Variants in PLXNA4 observed in about 807,000 individuals in gnomAD.
PLXNA4 encodes the protein plexin-A4.
In PLXNA4, 44 loss-of-function variants were observed where a neutral mutation model predicts 191.8. That is an observed-to-expected ratio of 0.23 (90% CI 0.18 to 0.29). The LOEUF (loss-of-function observed/expected upper bound fraction) is 0.29, where lower values mean the gene tolerates loss of function less well. Ranked by LOEUF, PLXNA4 falls within the 10% of genes least tolerant of loss-of-function variation. The pLI, the probability that PLXNA4 is intolerant of heterozygous loss-of-function variation, is 1.00. For missense variants in PLXNA4, 1,800 were observed against 2,488.8 expected, an observed-to-expected ratio of 0.72 and a Z score of 5.89; for synonymous variants, 1,082 against 1,009.5, an observed-to-expected ratio of 1.07 and a Z score of -1.36.
At chr7:132,230,461 G>A (rs968958756) in intron 5 of PLXNA4, among the ~76,000 whole-genome samples, 6 of 152,322 alleles carry the variant, frequency 3.9e-5, no homozygotes, top group African/African-American at 9.6e-5. Context: ...CTTGTTGGAC[G>A]AAGATAAATT....
intron 2 of PLXNA4, among the ~76,000 whole-genome samples, chr7:132,631,020 G>A (rs1803481597): frequency 6.6e-6 from 1 of 152,146 alleles, no homozygotes; most frequent in Admixed American, 6.5e-5. Flanking sequence ...AACACCCATA[G>A]TGGCAGAGAA....
At chr7:132,370,717 C>T (rs751348493) in intron 3 of PLXNA4, among the ~76,000 whole-genome samples, 1 of 152,096 alleles carries the variant, frequency 6.6e-6, no homozygotes, top group Non-Finnish European at 1.5e-5. Flanking sequence ...GAGCAGTGAG[C>T]AGATTATTAT....
intron 3 of PLXNA4, among the ~76,000 whole-genome samples, chr7:132,393,947 G>A (rs1425853022): frequency 6.6e-6 from 1 of 151,378 alleles, no homozygotes; most frequent in Non-Finnish European, 1.5e-5. Flanking sequence ...AGGCACAGTG[G>A]TATTGAGACA....
intron 4 of PLXNA4, among the ~76,000 whole-genome samples, chr7:132,264,541 C>T (rs1299183627): frequency 1.3e-5 from 2 of 152,138 alleles, no homozygotes; most frequent in Non-Finnish European, 2.9e-5. Context: ...TGTGGCCCCT[C>T]TGCTACTTCT....
At chr7:132,628,771 C>T (rs1006437958) in intron 2 of PLXNA4, among the ~76,000 whole-genome samples, 2 of 152,186 alleles carry the variant, frequency 1.3e-5, no homozygotes, top group Admixed American at 1.3e-4. Context: ...TCTGAAACTC[C>T]TTGTTTTACA....
chr7:132,511,176 G>A (rs916650802), intron 1 of PLXNA4, among the ~76,000 whole-genome samples: 5 of 152,098 alleles, frequency 3.3e-5, no homozygotes, highest in South Asian at 2.1e-4. Flanking sequence ...AAGCATAGAC[G>A]AATACCAATA....
intron 2 of PLXNA4, among the ~76,000 whole-genome samples, chr7:132,644,439 C>T (rs137924828): frequency 6.6e-6 from 1 of 152,302 alleles, no homozygotes; most frequent in Non-Finnish European, 1.5e-5. Context: ...TTCCTGGCTG[C>T]CCCATGGCTC....
At chr7:132,613,811 A>C (rs1288201450) in intron 2 of PLXNA4, among the ~76,000 whole-genome samples, 2 of 152,238 alleles carry the variant, frequency 1.3e-5, no homozygotes, top group African/African-American at 4.8e-5. Context: ...TAATAATTAC[A>C]TGTAAAGTCT....
chr7:132,132,976 C>T (rs6467423), intron 31 of PLXNA4, 73 bp downstream of exon 31: 106,640 of 1,556,646 alleles, frequency 0.069, 10,068 homozygotes, highest in African/African-American at 0.46. Flanking sequence ...ATCTCTTATA[C>T]GGAGGCATGC....
chr7:132,553,793 T>C (rs748384755), intron 1 of PLXNA4, among the ~76,000 whole-genome samples: 6 of 152,150 alleles, frequency 3.9e-5, no homozygotes, highest in African/African-American at 1.4e-4. Context: ...TACATGGCTA[T>C]TTGCTGAGAA....
At chr7:132,227,800 CAG>C (rs1798380537) in intron 6 of PLXNA4, among the ~76,000 whole-genome samples, 196 bp from the exon 7 acceptor site, 1 of 152,146 alleles carries the variant, frequency 6.6e-6, no homozygotes, top group South Asian at 2.1e-4. Flanking sequence ...TGCAAAGAGA[CAG>C]AGACAAAAGA....
At chr7:132,133,335 C>T (rs2116506930) in intron 30 of PLXNA4, 136 bp from the exon 31 acceptor site, 1 of 1,406,050 alleles carries the variant, frequency 7.1e-7, no homozygotes, top group East Asian at 2.4e-5. Context: ...CTGTGGCCAC[C>T]TGGGGACCAC....
chr7:132,581,021 T>TC (rs1237014007), upstream of PLXNA4, among the ~76,000 whole-genome samples: 1 of 152,200 alleles, frequency 6.6e-6, no homozygotes, highest in Non-Finnish European at 1.5e-5. Context: ...TCTGCATGTG[T>TC]CACCACATGT....
At chr7:132,432,790 A>G (rs1389808160) in intron 3 of PLXNA4, among the ~76,000 whole-genome samples, 1 of 152,226 alleles carries the variant, frequency 6.6e-6, no homozygotes, top group Non-Finnish European at 1.5e-5. Context: ...AGGTTCATTT[A>G]TCGTATAGAC....
At chr7:132,144,117 G>A (rs543382102) in intron 29 of PLXNA4, among the ~76,000 whole-genome samples, 84 of 152,256 alleles carry the variant, frequency 5.5e-4, no homozygotes, top group African/African-American at 1.4e-3. Flanking sequence ...TTGTTGGTGC[G>A]GGCAACAGGC....
intron 3 of PLXNA4, among the ~76,000 whole-genome samples, chr7:132,354,065 G>A (rs903182983): frequency 6.6e-6 from 1 of 152,112 alleles, no homozygotes; most frequent in Non-Finnish European, 1.5e-5. Context: ...GGACCTCCTG[G>A]AATGTTCCCC....
At chr7:132,466,977 G>T (rs1435962207) in intron 3 of PLXNA4, among the ~76,000 whole-genome samples, 1 of 152,110 alleles carries the variant, frequency 6.6e-6, no homozygotes, top group African/African-American at 2.4e-5. Flanking sequence ...AAGCTCCCAT[G>T]GCTGCTATGC....
At chr7:132,564,406 C>G (rs1801617717) in intron 1 of PLXNA4, among the ~76,000 whole-genome samples, 1 of 151,090 alleles carries the variant, frequency 6.6e-6, no homozygotes, top group Non-Finnish European at 1.5e-5. Context: ...TCTTCTTGCT[C>G]CTCCCCCTCC....
chr7:132,580,352 T>C (rs1167936257), upstream of PLXNA4, among the ~76,000 whole-genome samples: 1 of 152,152 alleles, frequency 6.6e-6, no homozygotes, highest in Admixed American at 6.5e-5. Context: ...ACACCTCCTC[T>C]ACCCCCTCTC....
Sources: allele counts gnomAD v4.1 joint callset (sites outside exome capture counted in the v4.1 genomes callset), GRCh38; gene constraint gnomAD v4.1.1; transcripts MANE v1.5; gene names NCBI Gene and HGNC (gene_info 2026-07-23, HGNC 2026-07-21).